Variants in ULK4 observed in about 807,000 individuals in gnomAD.
ULK4 encodes the protein unc-51 like kinase 4.
In ULK4, 133 loss-of-function variants were observed where a neutral mutation model predicts 160.6. That is an observed-to-expected ratio of 0.83 (90% confidence interval 0.72 to 0.96). ULK4 has a LOEUF of 0.96. Ranked by LOEUF, ULK4 falls within the 40% of genes least tolerant of loss-of-function variation. ULK4 has a pLI of 0.00. For synonymous variants in ULK4, 534 were observed against 539.8 expected, an observed-to-expected ratio of 0.99 and a Z score of 0.15; for missense variants, 1,580 against 1,499.5, an observed-to-expected ratio of 1.05 and a Z score of -0.89.
intron 17 of ULK4, among the ~76,000 whole-genome samples, chr3:41,863,795 G>A (rs2042558611): frequency 6.6e-6 from 1 of 151,582 alleles, no homozygotes; most frequent in African/African-American, 2.4e-5. Flanking sequence ...GCCCTATCTT[G>A]CTGTGGCTGG....
At chr3:41,602,406 G>C (rs1028101352) in intron 31 of ULK4, among the ~76,000 whole-genome samples, 2 of 150,948 alleles carry the variant, frequency 1.3e-5, no homozygotes, top group Non-Finnish European at 3.0e-5. Flanking sequence ...AGGGGGAAGG[G>C]AAGGGGAAAG....
chr3:41,826,470 A>C (rs373809656), intron 18 of ULK4, among the ~76,000 whole-genome samples: 26,805 of 150,594 alleles, frequency 0.18, 2,452 homozygotes, highest in Middle Eastern at 0.32. Context: ...GAAGATCTAC[A>C]AAGCAAATGG....
chr3:41,900,960 C>G (rs897944732), intron 12 of ULK4, 131 bp from the exon 13 acceptor site: 1 of 585,356 alleles, frequency 1.7e-6, no homozygotes, highest in African/African-American at 1.9e-5. Context: ...AACTGCTATT[C>G]AAGATGGTTG....
chr3:41,347,928 C>A (rs1421603980), intron 35 of ULK4, among the ~76,000 whole-genome samples: 1 of 152,038 alleles, frequency 6.6e-6, no homozygotes, highest in Non-Finnish European at 1.5e-5. Context: ...ACATGGACCA[C>A]TAGGCACAGT....
At chr3:41,828,753 T>C (rs1335488817) in intron 18 of ULK4, among the ~76,000 whole-genome samples, 1 of 152,212 alleles carries the variant, frequency 6.6e-6, no homozygotes, top group South Asian at 2.1e-4. Flanking sequence ...GCCATCCCCA[T>C]CAAGCTACCA....
At chr3:41,678,851 C>T (rs966332251) in intron 29 of ULK4, among the ~76,000 whole-genome samples, 8 of 152,122 alleles carry the variant, frequency 5.3e-5, no homozygotes, top group Non-Finnish European at 1.0e-4. Context: ...GAAGTGGGTG[C>T]TATATAGTTC....
intron 29 of ULK4, among the ~76,000 whole-genome samples, chr3:41,673,700 A>T (rs1284013132): frequency 8.1e-6 from 1 of 123,984 alleles, no homozygotes; most frequent in Non-Finnish European, 1.5e-5. Flanking sequence ...ATACATACAT[A>T]TATATATAAC....
At chr3:41,849,871 G>A (rs545907222) in intron 17 of ULK4, among the ~76,000 whole-genome samples, 14 of 152,102 alleles carry the variant, frequency 9.2e-5, no homozygotes, top group South Asian at 2.1e-4. Context: ...GTGCAGGTTT[G>A]TTACATATGT....
At chr3:41,645,793 G>A (rs2034461146) in intron 30 of ULK4, among the ~76,000 whole-genome samples, 2 of 152,198 alleles carry the variant, frequency 1.3e-5, no homozygotes, top group Non-Finnish European at 2.9e-5. Flanking sequence ...ACAGTAGGGT[G>A]TCAAAGTCTC....
chr3:41,640,776 G>C (rs559457374), intron 30 of ULK4, among the ~76,000 whole-genome samples: 18 of 152,090 alleles, frequency 1.2e-4, no homozygotes, highest in Non-Finnish European at 1.9e-4. Flanking sequence ...GAAAATGGAA[G>C]AATAATCCAA....
chr3:41,811,650 G>A (rs1322808032), intron 19 of ULK4, among the ~76,000 whole-genome samples: 5 of 152,062 alleles, frequency 3.3e-5, no homozygotes, highest in Non-Finnish European at 1.5e-5. Flanking sequence ...TTTGCCATGG[G>A]GTATTAATAA....
Position 41,292,188 on chromosome 3 carries a change from T to A in ULK4, c.3679-42614A>T, listed in dbSNP as rs77864909. ...TATCAAAAAGTTTACAAATAAATAA[T>A]AATAACAATGGCAACAACAATAACT... On this transcript the variant is annotated intron_variant, in intron 35 of 36. Coordinates refer to ENST00000301831, the MANE Select transcript of ULK4 (RefSeq NM_017886.4). Among the ~76,000 whole-genome samples the A allele has an allele frequency of 1.5e-3, 224 of 152,308 alleles. 5 individuals carry two copies. In the East Asian group the frequency reaches 0.04, roughly 27 times the overall value.
intron 21 of ULK4, among the ~76,000 whole-genome samples, chr3:41,784,465 G>A (rs927092459): frequency 7.2e-5 from 11 of 152,216 alleles, no homozygotes; most frequent in South Asian, 2.1e-4. Flanking sequence ...TGTTTAGGGG[G>A]AAAAATGGAA....
intron 30 of ULK4, among the ~76,000 whole-genome samples, chr3:41,618,421 A>C (rs1224185329): frequency 2.6e-5 from 4 of 152,218 alleles, no homozygotes; most frequent in African/African-American, 9.6e-5. Flanking sequence ...CTAACAGCAG[A>C]TCTCTCTGCA....
chr3:41,840,933 G>A (rs556881668), intron 17 of ULK4, among the ~76,000 whole-genome samples: 30 of 146,052 alleles, frequency 2.1e-4, no homozygotes, highest in South Asian at 1.3e-3. Flanking sequence ...TGTGAGGAGC[G>A]CCTCTGCCCG....
intron 35 of ULK4, among the ~76,000 whole-genome samples, chr3:41,250,056 A>C (rs1391983895): frequency 6.6e-6 from 1 of 151,998 alleles, no homozygotes; most frequent in Non-Finnish European, 1.5e-5. Flanking sequence ...TAATAACTAA[A>C]CCCCAGGAAG....
intron 18 of ULK4, among the ~76,000 whole-genome samples, chr3:41,833,907 A>G (rs1285918191): frequency 6.6e-6 from 1 of 151,968 alleles, no homozygotes; most frequent in Non-Finnish European, 1.5e-5. Context: ...TGCTCCCTGT[A>G]CTATTCCTAA....
At chr3:41,764,598 T>C (rs1215261914) in intron 21 of ULK4, among the ~76,000 whole-genome samples, 1 of 152,114 alleles carries the variant, frequency 6.6e-6, no homozygotes, top group East Asian at 1.9e-4. Context: ...AAGAGAAATG[T>C]AGGACTTAGA....
intron 21 of ULK4, among the ~76,000 whole-genome samples, chr3:41,769,342 T>C (rs17280952): frequency 0.12 from 18,826 of 152,060 alleles, 1,344 homozygotes; most frequent in Middle Eastern, 0.27. Flanking sequence ...CTCACAACAC[T>C]TGAGGAGAGA....
Sources: gnomAD v4.1 joint callset for allele counts (sites outside exome capture counted in the v4.1 genomes callset) on GRCh38, gnomAD v4.1.1 for gene constraint, MANE v1.5 for transcripts, NCBI Gene and HGNC (gene_info 2026-07-23, HGNC 2026-07-21) for gene names.